Variants in NRXN3 observed in about 807,000 individuals in gnomAD.
NRXN3 encodes neurexin III.
A neutral mutation model predicts 137.6 loss-of-function variants in NRXN3; 32 were observed. The ratio of observed to expected loss-of-function variants is 0.23; its 90% CI spans 0.18 to 0.31. The LOEUF (loss-of-function observed/expected upper bound fraction) is 0.31, where lower values mean the gene tolerates loss of function less well. Among genes scored for constraint, NRXN3 ranks in the 10% least tolerant of loss-of-function variants. The pLI is 1.00. For missense variants in NRXN3, 1,574 were observed against 2,062.5 expected, an observed-to-expected ratio of 0.76 and a Z score of 4.59; for synonymous variants, 798 against 784.5, an observed-to-expected ratio of 1.02 and a Z score of -0.29.
At chr14:79,394,609 C>T (rs530572518) in intron 15 of NRXN3, among the ~76,000 whole-genome samples, 3 of 152,232 alleles carry the variant, frequency 2.0e-5, no homozygotes, top group Middle Eastern at 6.8e-3. Flanking sequence ...CATTTTAAAA[C>T]CCTGATGCTT....
intron 8 of NRXN3, among the ~76,000 whole-genome samples, chr14:78,753,030 G>A (rs754955992): frequency 4.6e-5 from 7 of 152,156 alleles, no homozygotes; most frequent in Admixed American, 6.5e-5. Context: ...GCATTCCACC[G>A]ACTCTGCCCT....
At chr14:78,218,939 G>T (rs2063556459) in intron 1 of NRXN3, among the ~76,000 whole-genome samples, 1 of 152,142 alleles carries the variant, frequency 6.6e-6, no homozygotes, top group Non-Finnish European at 1.5e-5. Context: ...TTCTTCTGAG[G>T]CCTCTCTCCT....
chr14:79,110,768 T>TTATG (rs1336465023), intron 15 of NRXN3, among the ~76,000 whole-genome samples: 22 of 144,648 alleles, frequency 1.5e-4, no homozygotes, highest in African/African-American at 5.4e-4. Context: ...ATTATTTTAT[T>TTATG]TATTTATTTA....
chr14:79,603,161 A>G (rs914390712), intron 16 of NRXN3, among the ~76,000 whole-genome samples: 1 of 152,158 alleles, frequency 6.6e-6, no homozygotes, highest in Non-Finnish European at 1.5e-5. Context: ...TTTATTATTC[A>G]CAAGTTCCCT....
chr14:78,585,653 G>A (rs1273669317), intron 4 of NRXN3, among the ~76,000 whole-genome samples: 2 of 152,028 alleles, frequency 1.3e-5, no homozygotes, highest in Non-Finnish European at 2.9e-5. Context: ...TTGGGTCTGG[G>A]GTATGAGAGG....
intron 16 of NRXN3, among the ~76,000 whole-genome samples, chr14:79,579,277 T>A (rs1318289814): frequency 6.7e-6 from 1 of 150,264 alleles, no homozygotes; most frequent in Non-Finnish European, 1.5e-5. Flanking sequence ...TTACAATCAG[T>A]GTGCTATCAC....
intron 15 of NRXN3, among the ~76,000 whole-genome samples, chr14:79,399,673 C>T (rs113511450): frequency 8.5e-5 from 13 of 152,094 alleles, no homozygotes; most frequent in African/African-American, 2.7e-4. Context: ...TTTTAAAAAG[C>T]GTTGTGCTCA....
At chr14:79,003,983 G>T (rs1010229509) in intron 15 of NRXN3, among the ~76,000 whole-genome samples, 6 of 152,052 alleles carry the variant, frequency 3.9e-5, no homozygotes, top group South Asian at 2.1e-4. Flanking sequence ...GGTGGAGAAA[G>T]AATTCAAAAA....
intron 19 of NRXN3, among the ~76,000 whole-genome samples, chr14:79,723,603 T>C (rs554971929): frequency 5.3e-4 from 81 of 152,254 alleles, no homozygotes; most frequent in African/African-American, 1.9e-3. Context: ...TGTGGATGTG[T>C]GTGTTATGGA....
At chr14:78,580,157 G>A (rs992076763) in intron 4 of NRXN3, among the ~76,000 whole-genome samples, 1 of 151,958 alleles carries the variant, frequency 6.6e-6, no homozygotes, top group African/African-American at 2.4e-5. Flanking sequence ...TGTAATTTCT[G>A]GGTTGCTCCT....
intron 1 of NRXN3, among the ~76,000 whole-genome samples, chr14:78,207,537 C>G (rs1366322862): frequency 3.3e-5 from 5 of 152,154 alleles, no homozygotes; most frequent in Non-Finnish European, 7.3e-5. Flanking sequence ...CAGGCAACTC[C>G]TACTTGTTCT....
rs566585517 is a variant in NRXN3, at chr14:79,163,495, C to T, written c.3262+175354C>T. On this transcript the variant is annotated intron_variant, in intron 15 of 20. Transcript: ENST00000335750. ...GTCATTGGTCACAGTGTCTTCTATCCCAAGAGAGATGCAAATTACTAAATT... is the reference window on the plus strand; with the variant it reads ...GTCATTGGTCACAGTGTCTTCTATCTCAAGAGAGATGCAAATTACTAAATT... Among the ~76,000 whole-genome samples the T allele has an allele frequency of 5.9e-5, 9 of 151,916 alleles. No individual in the cohort carries two copies. In the East Asian group the frequency reaches 1.6e-3, roughly 26 times the overall value.
At chr14:78,268,122 T>C (rs2072098529) in intron 2 of NRXN3, among the ~76,000 whole-genome samples, 1 of 152,150 alleles carries the variant, frequency 6.6e-6, no homozygotes, top group Non-Finnish European at 1.5e-5. Flanking sequence ...TGAGGGGGAA[T>C]TTTCAGTGAT....
intron 4 of NRXN3, among the ~76,000 whole-genome samples, chr14:78,456,281 G>A (rs1359440318): frequency 2.6e-5 from 4 of 152,154 alleles, no homozygotes; most frequent in African/African-American, 9.6e-5. Context: ...GTAAAGAAAA[G>A]TACAAAAAGC....
At chr14:78,403,933 T>G (rs1598298827) in intron 4 of NRXN3, 7 of 944,926 alleles carry the variant, frequency 7.4e-6, no homozygotes, top group Non-Finnish European at 7.6e-6. Context: ...GCGGTGGGGG[T>G]GGGCTGTTCC....
chr14:78,228,221 A>G (rs2064942261), intron 1 of NRXN3, among the ~76,000 whole-genome samples: 5 of 142,482 alleles, frequency 3.5e-5, no homozygotes, highest in Admixed American at 2.9e-4. Context: ...GTAATGCGTG[A>G]TCTCCGCTCA....
chr14:78,897,543 G>A (rs954875780), intron 10 of NRXN3, among the ~76,000 whole-genome samples: 1 of 151,852 alleles, frequency 6.6e-6, no homozygotes, highest in African/African-American at 2.4e-5. Flanking sequence ...AAGATGTCCA[G>A]TGAGGCACAG....
At chr14:79,653,401 TA>T (rs1268476521) in intron 16 of NRXN3, among the ~76,000 whole-genome samples, 1 of 152,214 alleles carries the variant, frequency 6.6e-6, no homozygotes, top group Non-Finnish European at 1.5e-5. Flanking sequence ...CCCAAGCCTT[TA>T]AAATGTATTT....
intron 4 of NRXN3, among the ~76,000 whole-genome samples, chr14:78,533,141 CCAGGGTGGAGTG>C (rs1413720192): frequency 7.1e-6 from 1 of 140,214 alleles, no homozygotes; most frequent in Non-Finnish European, 1.5e-5. Flanking sequence ...GCTCTGTCGC[CCAGGGTGGAGTG>C]CAGTGGTGCG....
Sources: allele counts gnomAD v4.1 joint callset (sites outside exome capture counted in the v4.1 genomes callset), GRCh38; gene constraint gnomAD v4.1.1; transcripts MANE v1.5; gene names NCBI Gene and HGNC (gene_info 2026-07-23, HGNC 2026-07-21).